LARP1: variants seen among roughly 807,000 people sequenced by gnomAD.
The protein encoded by LARP1 is La ribonucleoprotein 1, translational regulator.
A neutral mutation model predicts 122.7 loss-of-function variants in LARP1; 36 were observed. The ratio of observed to expected loss-of-function variants is 0.29; its 90% CI spans 0.22 to 0.39. The LOEUF (loss-of-function observed/expected upper bound fraction) is 0.39, where lower values mean the gene tolerates loss of function less well. Among genes scored for constraint, LARP1 ranks in the 10% least tolerant of loss-of-function variants. LARP1 has a pLI of 1.00. For synonymous variants in LARP1, 539 were observed against 528.7 expected, an observed-to-expected ratio of 1.02 and a Z score of -0.27; for missense variants, 1,040 against 1,403.6, an observed-to-expected ratio of 0.74 and a Z score of 4.14.
In LARP1 at chr5:154,799,858, C is replaced by G. The variant is rs1262341017; in HGVS notation, c.1547-15C>G. ...AGGACTGGAGGGATGAGGACTTCCC[C>G]TTTCCACCCTTTAGAGTCGGCACCT... is the stretch of plus-strand genomic sequence containing the variant. On this transcript the variant is annotated splice_polypyrimidine_tract_variant and intron_variant, in intron 9 of 18. Coordinates refer to ENST00000518297, the MANE Select transcript of LARP1 (RefSeq NM_033551.3). 1.2e-6 allele frequency: 2 copies of G among 1,612,770 alleles called. No individual in the cohort carries two copies. Among genetic ancestry groups the G allele is most frequent in the Non-Finnish European group, 1.7e-6 (2 of 1,179,194 alleles).
At chr5:154,744,396 G>A (rs914020188) in intron 1 of LARP1, among the ~76,000 whole-genome samples, 3 of 152,106 alleles carry the variant, frequency 2.0e-5, no homozygotes, top group African/African-American at 7.2e-5. Flanking sequence ...AGTTTGTGCA[G>A]GTATCTAAAT....
intron 1 of LARP1, chr5:154,729,100 T>C (rs79353578): frequency 0.13 from 20,125 of 152,508 alleles, 1,587 homozygotes; most frequent in African/African-American, 0.22. Flanking sequence ...AGAAGCCATT[T>C]GTGCTGCAAG....
chr5:154,690,078 G>C (rs1163819196), intron 1 of LARP1, among the ~76,000 whole-genome samples: 1 of 151,970 alleles, frequency 6.6e-6, no homozygotes, highest in East Asian at 1.9e-4. Flanking sequence ...AAAATGAAGT[G>C]ATTTACTCAA....
intron 1 of LARP1, among the ~76,000 whole-genome samples, chr5:154,774,778 C>T (rs1755727723): frequency 6.6e-6 from 1 of 152,148 alleles, no homozygotes; most frequent in Non-Finnish European, 1.5e-5. Flanking sequence ...TGAAGCAGGT[C>T]AGAATCTAAA....
chr5:154,730,004 C>T (rs1756458248), intron 1 of LARP1, among the ~76,000 whole-genome samples: 1 of 152,214 alleles, frequency 6.6e-6, no homozygotes, highest in East Asian at 1.9e-4. Flanking sequence ...CTGAACCCAG[C>T]CGAAATTGCC....
chr5:154,734,484 G>A (rs1756765148), intron 1 of LARP1, among the ~76,000 whole-genome samples: 1 of 152,068 alleles, frequency 6.6e-6, no homozygotes, highest in Admixed American at 6.6e-5. Flanking sequence ...ATAACCACTG[G>A]TAATCTTTTG....
At chr5:154,813,449 G>T (rs968991016) in intron 18 of LARP1, among the ~76,000 whole-genome samples, 4 of 152,220 alleles carry the variant, frequency 2.6e-5, no homozygotes, top group African/African-American at 9.6e-5. Context: ...TGGGCCTTCT[G>T]AGCTGAGACG....
intron 1 of LARP1, among the ~76,000 whole-genome samples, chr5:154,745,869 C>A (rs1162644292): frequency 6.7e-6 from 1 of 150,302 alleles, no homozygotes; most frequent in Admixed American, 6.7e-5. Flanking sequence ...GATTTCAGAT[C>A]ACTGCAACCT....
rs372561933 is a variant in LARP1, at chr5:154,803,266, C to G, written c.2110-24C>G. 1.2e-6 allele frequency: 2 copies of G among 1,614,166 alleles called. No individual in the cohort carries two copies. Among genetic ancestry groups the G allele is most frequent in the Non-Finnish European group, 1.7e-6 (2 of 1,180,018 alleles). On this transcript the variant is annotated intron_variant, in intron 11 of 18. Coordinates refer to ENST00000518297, the MANE Select transcript of LARP1 (RefSeq NM_033551.3). This position sits in a 1 kb window ranked among gnomAD's most constrained non-coding sequence, Gnocchi z 4.4. The stretch of plus-strand genomic sequence containing the variant: ...GCAGCCTGCTTACTTACATCTTTCC[C>G]CACTCATCTCATGACCTCTGCAGCA...
chr5:154,750,766 C>G (rs1332630273), upstream of LARP1, among the ~76,000 whole-genome samples: 3 of 152,110 alleles, frequency 2.0e-5, no homozygotes, highest in Non-Finnish European at 4.4e-5. Flanking sequence ...TGCCACCACA[C>G]CTGGCTAATT....
intron 1 of LARP1, among the ~76,000 whole-genome samples, chr5:154,783,052 A>G (rs1057008032): frequency 6.6e-6 from 1 of 152,060 alleles, no homozygotes; most frequent in African/African-American, 2.4e-5. Context: ...GGTGGGTAGT[A>G]TAACCCAGGC....
At chr5:154,692,498 A>G (rs969726630) in intron 1 of LARP1, among the ~76,000 whole-genome samples, 1 of 152,074 alleles carries the variant, frequency 6.6e-6, no homozygotes, top group Middle Eastern at 3.2e-3. Context: ...CAAGCTTGTC[A>G]TTGTCTTTCC....
chr5:154,803,165 C>T lies in LARP1; in HGVS notation c.2110-125C>T. 2 of 1,285,024 alleles carry T rather than the reference C, an allele frequency of 1.6e-6. No individual in the cohort carries two copies. The highest frequency in any genetic ancestry group is 2.2e-6 in the Non-Finnish European group (2 of 905,538). 79.6% of individuals were successfully genotyped at this position (1,285,024 alleles called of 1,614,324 possible). On this transcript the variant is annotated intron_variant, in intron 11 of 18. Transcript: ENST00000518297. This position sits in a 1 kb window ranked among gnomAD's most constrained non-coding sequence, Gnocchi z 4.4. ...ACTGGGCAGCTGAGAGCCTGGGGAC[C>T]AGAATTCCACGTATGTCGACGTGGG...
intron 1 of LARP1, among the ~76,000 whole-genome samples, chr5:154,774,975 G>C (rs1052268637): frequency 1.3e-5 from 2 of 152,160 alleles, no homozygotes; most frequent in African/African-American, 2.4e-5. Flanking sequence ...AAGAAAAACA[G>C]GAGGCCCTTT....
At chr5:154,754,454 G>A (rs1187530245), upstream of LARP1, among the ~76,000 whole-genome samples, 1 of 151,860 alleles carries the variant, frequency 6.6e-6, no homozygotes, top group Non-Finnish European at 1.5e-5. Flanking sequence ...GCAGGGCCAG[G>A]ATAAAATCTC....
intron 1 of LARP1, among the ~76,000 whole-genome samples, chr5:154,758,583 G>T (rs1036399962): frequency 2.6e-5 from 4 of 152,152 alleles, no homozygotes; most frequent in Non-Finnish European, 5.9e-5. Context: ...TGCTTTTCCA[G>T]CCCTGGTTTT....
chr5:154,806,361 G>A (rs1364876883), intron 15 of LARP1, among the ~76,000 whole-genome samples: 1 of 152,154 alleles, frequency 6.6e-6, no homozygotes, highest in Non-Finnish European at 1.5e-5. Context: ...TCACAAAAGG[G>A]TATGTAAGAG....
chr5:154,707,373 A>G (rs1467082455), intron 1 of LARP1, among the ~76,000 whole-genome samples: 1 of 152,218 alleles, frequency 6.6e-6, no homozygotes, highest in East Asian at 1.9e-4. Flanking sequence ...ACTGTGACCA[A>G]TGGGAGTCTC....
intron 8 of LARP1, among the ~76,000 whole-genome samples, chr5:154,797,319 C>T (rs1468032848): frequency 6.8e-6 from 1 of 146,116 alleles, no homozygotes; most frequent in Non-Finnish European, 1.5e-5. Context: ...CTGCAACCTC[C>T]ACCTCCCAGG....
Sources: allele counts gnomAD v4.1 joint callset (sites outside exome capture counted in the v4.1 genomes callset), GRCh38; gene constraint gnomAD v4.1.1; non-coding constraint Gnocchi (gnomAD v3.1); transcripts MANE v1.5; gene names NCBI Gene and HGNC (gene_info 2026-07-23, HGNC 2026-07-21).